NDUFA10: variants seen among roughly 807,000 people sequenced by gnomAD.
NDUFA10 encodes the protein NADH:ubiquinone oxidoreductase subunit A10, also known as NADH dehydrogenase [ubiquinone] 1 alpha subcomplex subunit 10, mitochondrial.
A neutral mutation model predicts 47.8 loss-of-function variants in NDUFA10; 40 were observed. That is an observed-to-expected ratio of 0.84 (90% CI 0.65 to 1.09). NDUFA10 has a LOEUF of 1.09. NDUFA10 is among the 50% of genes least tolerant of loss of function. The pLI, the probability that NDUFA10 is intolerant of heterozygous loss-of-function variation, is 0.00. For missense variants in NDUFA10, 413 were observed against 451.1 expected (o/e 0.92, Z 0.76); for synonymous variants, 183 against 172.2 (o/e 1.06, Z -0.49).
rs545164661 is a variant in NDUFA10 at position 239,932,959 on chromosome 2, C to T, written c.295-37645G>A. 9.2e-5 allele frequency among the ~76,000 whole-genome samples: 14 copies of T among 152,336 alleles called. No individual in the cohort carries two copies. The South Asian group carries it at 2.9e-3, about 32-fold the overall frequency. ...TTAAGAGCCTACACTATGAGCGAGACTCCACCGTACACGCTAGAAGCAGCC... is the reference window on the plus strand; with the variant it reads ...TTAAGAGCCTACACTATGAGCGAGATTCCACCGTACACGCTAGAAGCAGCC... On this transcript the variant is annotated intron_variant, in intron 4 of 5. Transcript: ENST00000419408.
At chr2:239,970,638 TG>T (rs1245249126) in intron 9 of NDUFA10, among the ~76,000 whole-genome samples, 1 of 152,268 alleles carries the variant, frequency 6.6e-6, no homozygotes, top group Non-Finnish European at 1.5e-5. Flanking sequence ...CAGGAACAGC[TG>T]TGGCCTCGGG....
chr2:239,922,037 C>T (rs1457118215), intron 4 of NDUFA10, among the ~76,000 whole-genome samples: 1 of 146,496 alleles, frequency 6.8e-6, no homozygotes, highest in African/African-American at 2.6e-5. Flanking sequence ...TCTTTCCTTC[C>T]TTCCCTTCTT....
At chr2:239,934,802 C>T (rs1345355028) in intron 4 of NDUFA10, among the ~76,000 whole-genome samples, 2 of 152,208 alleles carry the variant, frequency 1.3e-5, no homozygotes, top group Non-Finnish European at 2.9e-5. Context: ...CTGGCTCTCT[C>T]TGTCCACCGC....
At chr2:239,979,137 A>G (rs748028749) in intron 9 of NDUFA10, among the ~76,000 whole-genome samples, 2 of 152,214 alleles carry the variant, frequency 1.3e-5, no homozygotes, top group Non-Finnish European at 2.9e-5. Flanking sequence ...AGTAAATTAA[A>G]TTAAACATAA....
At chr2:239,977,194 A>G (rs1438728882) in intron 9 of NDUFA10, among the ~76,000 whole-genome samples, 1 of 152,154 alleles carries the variant, frequency 6.6e-6, no homozygotes, top group Non-Finnish European at 1.5e-5. Flanking sequence ...TCCTAACAGT[A>G]ACGAAGGCCA....
At chr2:240,020,014 A>AGCACTAAT (rs1439285465) in intron 3 of NDUFA10, among the ~76,000 whole-genome samples, 1 of 152,240 alleles carries the variant, frequency 6.6e-6, no homozygotes, top group South Asian at 2.1e-4. Flanking sequence ...GAAAAAAAGA[A>AGCACTAAT]GCACTAATAA....
Position 239,959,666 on chromosome 2 carries a change from GGAAGGAAGGAAGGAAGA to G in NDUFA10, c.*1435_*1451del. On this transcript the variant is annotated 3_prime_UTR_variant, in exon 10 of 10. Transcript: ENST00000252711. ...GGAAGGGAGGAAAACAAGGACAGAC[GGAAGGAAGGAAGGAAGA>G]GAAGGAGGGAAGGAAAGAGGCAGGG... The G allele has an allele frequency of 1.1e-6, 1 of 910,064 alleles. No homozygotes were observed. The highest frequency in any genetic ancestry group is 1.2e-4 in the East Asian group (1 of 8,466). 56.4% of individuals were successfully genotyped at this position (910,064 alleles called of 1,614,324 possible).
chr2:239,910,058 A>C (rs111478842), intron 4 of NDUFA10, among the ~76,000 whole-genome samples: 2,416 of 152,318 alleles, frequency 0.016, 66 homozygotes, highest in African/African-American at 0.055. Flanking sequence ...GTAAAAAGTC[A>C]AAAGACACAG....
intron 4 of NDUFA10, among the ~76,000 whole-genome samples, chr2:239,947,049 AG>A (rs5839821): frequency 0.077 from 11,649 of 152,270 alleles, 531 homozygotes; most frequent in Admixed American, 0.13. Flanking sequence ...GGGACTCCTC[AG>A]TCCTGAAGCC....
chr2:240,011,580 G>A lies in NDUFA10; in HGVS notation c.749+37C>T, dbSNP rs371976933. On this transcript the variant is annotated intron_variant, in intron 6 of 9. Transcript: ENST00000252711. ...GGCCTAAGAAACGAGTGGCGAAGAA[G>A]TTTTAGCCCTGTAAATCAGTCGTGT... 7.1e-6 allele frequency: 11 copies of A among 1,546,220 alleles called. No individual in the cohort carries two copies. The African/African-American group carries it at 1.4e-4, about 19-fold the overall frequency.
chr2:239,900,421 C>T (rs2106464186), intron 4 of NDUFA10, among the ~76,000 whole-genome samples: 1 of 144,532 alleles, frequency 6.9e-6, no homozygotes, highest in Admixed American at 7.0e-5. Flanking sequence ...AGCCAGGGCA[C>T]ACCTGAGCCT....
chr2:239,921,314 A>C (rs1229711443), intron 4 of NDUFA10, among the ~76,000 whole-genome samples: 2 of 130,178 alleles, frequency 1.5e-5, no homozygotes, highest in Non-Finnish European at 3.5e-5. Flanking sequence ...ATAGCTCTTA[A>C]AGGTGGCACT....
chr2:240,015,569 C>T (rs1697313876), intron 4 of NDUFA10, among the ~76,000 whole-genome samples: 1 of 152,230 alleles, frequency 6.6e-6, no homozygotes, highest in South Asian at 2.1e-4. Flanking sequence ...AAATTGAAAG[C>T]AGCTAAGGCT....
rs1694739973 is a variant in NDUFA10, at chr2:239,959,058, GA to G, written c.*2059del. On this transcript the variant is annotated 3_prime_UTR_variant, in exon 10 of 10. Transcript: ENST00000252711. ...GGCTTCTATGTGGAGAGAAGAATTG[GA>G]CAGTGTTTATTCATCTTTCTCTGCT... is the stretch of plus-strand genomic sequence containing the variant. The G allele has an allele frequency of 1.1e-5, 11 of 985,342 alleles. No individual in the cohort carries two copies. Among genetic ancestry groups the G allele is most frequent in the African/African-American group, 1.7e-5 (1 of 57,240 alleles). The allele number at this position is 985,342 out of a possible 1,614,324, so 61.0% of individuals were successfully genotyped here. A position where few individuals can be genotyped will look rare whatever the true frequency, so the allele number is the denominator to read the frequency against.
chr2:240,010,577 T>C (rs372343415), intron 6 of NDUFA10, among the ~76,000 whole-genome samples: 44 of 152,128 alleles, frequency 2.9e-4, no homozygotes, highest in African/African-American at 7.9e-4. Flanking sequence ...GCCTTGGAAA[T>C]AGGGCAGTAC....
intron 4 of NDUFA10, among the ~76,000 whole-genome samples, chr2:240,015,741 G>A (rs1022136827): frequency 2.6e-5 from 4 of 152,238 alleles, no homozygotes; most frequent in South Asian, 2.1e-4. Context: ...GAGAGTGCAC[G>A]CCAGTGCATG....
At chr2:239,904,515 G>A (rs887370902) in intron 4 of NDUFA10, among the ~76,000 whole-genome samples, 3 of 152,094 alleles carry the variant, frequency 2.0e-5, no homozygotes, top group Non-Finnish European at 2.9e-5. Context: ...GGCTGGTCTC[G>A]AACTCCTGAC....
At chr2:239,970,084 T>C (rs1263972516) in intron 9 of NDUFA10, among the ~76,000 whole-genome samples, 1 of 152,110 alleles carries the variant, frequency 6.6e-6, no homozygotes, top group East Asian at 1.9e-4. Context: ...ACCACGCAGA[T>C]GCATGCCATA....
At chr2:239,963,612 C>T (rs959135831) in intron 9 of NDUFA10, among the ~76,000 whole-genome samples, 7 of 152,168 alleles carry the variant, frequency 4.6e-5, no homozygotes, top group East Asian at 1.9e-4. Context: ...GGTAAGTGTC[C>T]GGTCTGCTTA....
Sources: gnomAD v4.1 joint callset for allele counts (sites outside exome capture counted in the v4.1 genomes callset) on GRCh38, gnomAD v4.1.1 for gene constraint, MANE v1.5 for transcripts, NCBI Gene and HGNC (gene_info 2026-07-23, HGNC 2026-07-21) for gene names.